The following PDCD11 variants were observed in gnomAD, a reference collection of about 807,000 sequenced individuals.
PDCD11 encodes protein RRP5 homolog.
A neutral mutation model predicts 198.9 loss-of-function variants in PDCD11; 97 were observed. The ratio of observed to expected loss-of-function variants is 0.49; its 90% CI spans 0.41 to 0.58. The LOEUF is 0.58. Among genes scored for constraint, PDCD11 ranks in the 20% least tolerant of loss-of-function variants. The pLI is 0.00. For synonymous variants in PDCD11, 893 were observed against 918.0 expected, an observed-to-expected ratio of 0.97 and a Z score of 0.49; for missense variants, 2,102 against 2,312.7, an observed-to-expected ratio of 0.91 and a Z score of 1.87.
intron 24 of PDCD11, 91 bp from the exon 25 acceptor site, chr10:103,434,707 C>A: frequency 9.0e-7 from 1 of 1,105,986 alleles, no homozygotes; most frequent in Non-Finnish European, 1.3e-6. Flanking sequence ...TCTGGGCAGC[C>A]TCCACCTTCC....
At position 103,422,950 on chromosome 10, in the gene PDCD11, C is replaced by T. The variant is rs140622243; in HGVS notation, c.2498-38C>T. The T allele has an allele frequency of 3.8e-3, 5,358 of 1,420,734 alleles. 31 individuals carry two copies. Among genetic ancestry groups the T allele is most frequent in the South Asian group, 0.02 (1,137 of 57,268 alleles). 88.0% of individuals were successfully genotyped at this position (1,420,734 alleles called of 1,614,324 possible). Reference sequence around the variant, plus strand: ...AGGAAAAGAACAGTGAGAGTTCTTTCATGGTACTAATCCGTGTTTCCTTTG... The same window carrying T: ...AGGAAAAGAACAGTGAGAGTTCTTTTATGGTACTAATCCGTGTTTCCTTTG... On this transcript the variant is annotated intron_variant, in intron 17 of 35. Coordinates refer to ENST00000369797, the MANE Select transcript of PDCD11 (RefSeq NM_014976.2).
In PDCD11 at chr10:103,426,939, AT is replaced by A. The variant is rs575058427; in HGVS notation, c.3306-389del. Among the ~76,000 whole-genome samples, 54 of 150,460 alleles carry A rather than the reference AT, an allele frequency of 3.6e-4. 3 individuals carry two copies. Among genetic ancestry groups the A allele is most frequent in the South Asian group, 8.4e-4 (4 of 4,756 alleles). Reference sequence around the variant, plus strand: ...AGACCCCATCTCTACAAAAAAAAAAATAAATAAATAAAAATAAAAATTAGCT... The same window carrying A: ...AGACCCCATCTCTACAAAAAAAAAAAAAATAAATAAAAATAAAAATTAGCT... On this transcript the variant is annotated intron_variant, in intron 20 of 35. Transcript: ENST00000369797.
chr10:103,418,701 C>G (rs1181666922), intron 15 of PDCD11, 67 bp downstream of exon 15: 4 of 1,347,848 alleles, frequency 3.0e-6, no homozygotes, highest in African/African-American at 2.9e-5. Context: ...ATGGGAAATT[C>G]TGGGGAAATT....
At chr10:103,400,285 G>T (rs1357664704) in intron 2 of PDCD11, 112 bp from the exon 3 acceptor site, 1 of 863,710 alleles carries the variant, frequency 1.2e-6, no homozygotes, top group African/African-American at 1.7e-5. Context: ...ATGGGGTAGG[G>T]TGGAGTGAAG....
chr10:103,438,832 C>G (rs778049631), intron 27 of PDCD11, 24 bp downstream of exon 27: 2 of 1,612,614 alleles, frequency 1.2e-6, no homozygotes, highest in Non-Finnish European at 1.7e-6. Context: ...GCTCTGCACC[C>G]GGACCCAAGT....
At chr10:103,411,452 A>G (rs984360865) in intron 8 of PDCD11, among the ~76,000 whole-genome samples, 16 of 152,100 alleles carry the variant, frequency 1.1e-4, no homozygotes, top group Non-Finnish European at 2.4e-4. Context: ...TGCAACCTCA[A>G]CCTCCTGGGT....
At chr10:103,424,869 T>G in intron 19 of PDCD11, 115 bp from the exon 20 acceptor site, 3 of 1,177,562 alleles carry the variant, frequency 2.5e-6, no homozygotes, top group Non-Finnish European at 3.6e-6. Flanking sequence ...AGCCTTGAGT[T>G]CCCTAGCCTT....
At position 103,417,030 on chromosome 10, in the gene PDCD11, C is replaced by G. The variant is rs990045771; in HGVS notation, c.1770+288C>G. Among the ~76,000 whole-genome samples the G allele has an allele frequency of 9.2e-5, 14 of 152,322 alleles. No individual in the cohort carries two copies. In the East Asian group the frequency reaches 2.1e-3, roughly 23 times the overall value. On this transcript the variant is annotated intron_variant, in intron 13 of 35. Transcript: ENST00000369797. The stretch of plus-strand genomic sequence containing the variant: ...CATATCGGAAATTGTTTTGAGGTCA[C>G]TGTCACCACATGGGGGCAGTGCTGT...
Position 103,413,447 on chromosome 10 carries a change from A to C in PDCD11, c.1185+125A>C, listed in dbSNP as rs1014507233. ...AAAATTTTTGGATATTGTAGTTCTAATTCCTGTTCATAGTGATTAGAACAA... is the reference window on the plus strand; with the variant it reads ...AAAATTTTTGGATATTGTAGTTCTACTTCCTGTTCATAGTGATTAGAACAA... On this transcript the variant is annotated intron_variant, in intron 9 of 35. Transcript: ENST00000369797. The C allele has an allele frequency of 4.2e-6, 3 of 711,474 alleles. No homozygotes were observed. The African/African-American group carries it at 5.4e-5, about 13-fold the overall frequency. The allele number at this position is 711,474 out of a possible 1,614,324, so 44.1% of individuals were successfully genotyped here. A position where few individuals can be genotyped will look rare whatever the true frequency, so the allele number is the denominator to read the frequency against.
At chr10:103,434,745 C>T (rs770288037) in intron 24 of PDCD11, 53 bp from the exon 25 acceptor site, 157 of 1,491,548 alleles carry the variant, frequency 1.1e-4, no homozygotes, top group Non-Finnish European at 1.4e-4. Flanking sequence ...GGCATTCCCG[C>T]TCCTCCCTTA....
At chr10:103,433,834 G>A in intron 22 of PDCD11, 114 bp from the exon 23 acceptor site, 2 of 767,350 alleles carry the variant, frequency 2.6e-6, no homozygotes, top group East Asian at 2.5e-5. Context: ...GTGGATTCCT[G>A]TCTCTTGGAA....
chr10:103,418,382 A>T, intron 14 of PDCD11, 58 bp from the exon 15 acceptor site: 8 of 1,406,536 alleles, frequency 5.7e-6, no homozygotes, highest in Non-Finnish European at 8.0e-6. Context: ...CCTAATCCAG[A>T]CCAGGTTGTT....
At chr10:103,417,739 G>C in intron 13 of PDCD11, 53 bp from the exon 14 acceptor site, 2 of 1,592,960 alleles carry the variant, frequency 1.3e-6, no homozygotes, top group African/African-American at 2.7e-5. Flanking sequence ...ACGTTGCAGG[G>C]CCTGCAAGGC....
chr10:103,406,184 T>C, intron 6 of PDCD11, 76 bp downstream of exon 6: 1 of 1,526,194 alleles, frequency 6.6e-7, no homozygotes, highest in Non-Finnish European at 9.0e-7. Context: ...GCCATTTTGA[T>C]GAGTAACATG....
intron 30 of PDCD11, among the ~76,000 whole-genome samples, chr10:103,441,535 G>T (rs1024835677): frequency 5.3e-5 from 8 of 152,204 alleles, no homozygotes; most frequent in African/African-American, 1.9e-4. Flanking sequence ...GGTTACAGGT[G>T]TGAGCCACCA....
intron 4 of PDCD11, among the ~76,000 whole-genome samples, chr10:103,403,584 G>T (rs745683951): frequency 1.3e-5 from 2 of 152,196 alleles, no homozygotes; most frequent in Non-Finnish European, 2.9e-5. Context: ...GAGAGAGTGT[G>T]ATGTGAGATG....
intron 3 of PDCD11, 50 bp downstream of exon 3, chr10:103,400,578 T>A (rs756627074): frequency 6.4e-7 from 1 of 1,554,792 alleles, no homozygotes; most frequent in Non-Finnish European, 8.7e-7. Context: ...GTTGCTTAAG[T>A]TTGTGTATGT....
rs566526072 is a variant in PDCD11, at chr10:103,413,197, C to T, written c.1060C>T (p.Arg354Cys). The T allele has an allele frequency of 9.3e-6, 15 of 1,614,144 alleles. No homozygotes were observed. The highest frequency in any genetic ancestry group is 6.7e-5 in the African/African-American group (5 of 75,034). ...GCGCCCCATCTTCCTACAGCCTGGA[C>T]GCCCACTCACCCGACTCTCTTGCCA... ...SLRPIFLQPG[R>C]PLTRLSCQNL... Residue 354 changes from arginine (R) to cysteine (C), a missense_variant, in exon 9 of 36, where the codon CGC (arginine) becomes TGC (cysteine). Coordinates refer to ENST00000369797, the MANE Select transcript of PDCD11 (RefSeq NM_014976.2).
At chr10:103,435,381 CT>C (rs944847684) in intron 25 of PDCD11, among the ~76,000 whole-genome samples, 1 of 151,238 alleles carries the variant, frequency 6.6e-6, no homozygotes, top group African/African-American at 2.4e-5. Flanking sequence ...ATAGACAATA[CT>C]TTTTTTGATA....
Sources: allele counts gnomAD v4.1 joint callset (sites outside exome capture counted in the v4.1 genomes callset), GRCh38; gene constraint gnomAD v4.1.1; transcripts MANE v1.5; gene names NCBI Gene and HGNC (gene_info 2026-07-23, HGNC 2026-07-21).